Variants in CTNNA2 observed in about 807,000 individuals in gnomAD.
The protein encoded by CTNNA2 is catenin alpha 2, also known as catenin alpha-2.
CTNNA2 carries 42 observed loss-of-function variants against 101.0 expected under a neutral mutation model. The observed-to-expected ratio is 0.42, with a 90% confidence interval of 0.32 to 0.54. The LOEUF (loss-of-function observed/expected upper bound fraction) is 0.54. CTNNA2 is among the 20% of genes least tolerant of loss of function. The pLI, the probability that CTNNA2 is intolerant of heterozygous loss-of-function variation, is 0.14. For synonymous variants in CTNNA2, 450 were observed against 456.4 expected (o/e 0.99, Z 0.18); for missense variants, 871 against 1,223.1 (o/e 0.71, Z 4.29).
intron 18 of CTNNA2, among the ~76,000 whole-genome samples, chr2:80,631,144 A>T (rs1019673398): frequency 8.5e-5 from 13 of 152,202 alleles, no homozygotes; most frequent in African/African-American, 2.4e-4. Flanking sequence ...AGGGACTCTA[A>T]GATAGCAATT....
At chr2:79,247,137 T>A (rs544475219) in intron 2 of CTNNA2, among the ~76,000 whole-genome samples, 1 of 152,290 alleles carries the variant, frequency 6.6e-6, no homozygotes, top group East Asian at 1.9e-4. Context: ...TGGGAGGAAT[T>A]GTAGACAAGG....
chr2:79,320,305 G>A (rs1676590094), intron 3 of CTNNA2, among the ~76,000 whole-genome samples: 1 of 135,034 alleles, frequency 7.4e-6, no homozygotes, highest in Non-Finnish European at 1.5e-5. Flanking sequence ...TGAAGAAAAT[G>A]GCAGTTTCAG....
At chr2:79,447,762 C>T (rs907872467) in intron 4 of CTNNA2, among the ~76,000 whole-genome samples, 9 of 152,050 alleles carry the variant, frequency 5.9e-5, no homozygotes, top group South Asian at 4.1e-4. Flanking sequence ...AAGTGCTTAC[C>T]CAATACTCAG....
chr2:80,102,693 G>C (rs1014578787), intron 7 of CTNNA2, among the ~76,000 whole-genome samples: 1 of 151,992 alleles, frequency 6.6e-6, no homozygotes, highest in African/African-American at 2.4e-5. Context: ...TGTATTTTTA[G>C]TAGAGACGGG....
intron 9 of CTNNA2, among the ~76,000 whole-genome samples, chr2:80,444,437 C>G (rs1000483534): frequency 6.6e-6 from 1 of 152,252 alleles, no homozygotes; most frequent in East Asian, 1.9e-4. Context: ...GGACTGTTTT[C>G]CTTCCTAATA....
intron 7 of CTNNA2, among the ~76,000 whole-genome samples, chr2:80,235,283 A>G (rs979465228): frequency 5.9e-5 from 9 of 152,380 alleles, no homozygotes; most frequent in Non-Finnish European, 1.0e-4. Context: ...TCTAGGAACC[A>G]TAAACCCTGA....
intron 8 of CTNNA2, among the ~76,000 whole-genome samples, chr2:80,403,837 G>A (rs533488069): frequency 1.3e-5 from 2 of 152,218 alleles, no homozygotes; most frequent in South Asian, 2.1e-4. Flanking sequence ...GAATTTTGTC[G>A]AAGATATTTT....
chr2:79,287,715 T>A (rs1558604731), intron 2 of CTNNA2, among the ~76,000 whole-genome samples: 1 of 152,192 alleles, frequency 6.6e-6, no homozygotes, highest in Non-Finnish European at 1.5e-5. Flanking sequence ...GTCTGTGCCC[T>A]GCCCCCAGAG....
intron 4 of CTNNA2, among the ~76,000 whole-genome samples, chr2:79,443,903 A>T (rs1028352558): frequency 7.1e-6 from 1 of 141,804 alleles, no homozygotes; most frequent in East Asian, 2.3e-4. Flanking sequence ...TTGTATACAT[A>T]CTCTCTCTCT....
At chr2:80,337,614 CAA>C (rs1350690085) in intron 7 of CTNNA2, among the ~76,000 whole-genome samples, 1 of 151,882 alleles carries the variant, frequency 6.6e-6, no homozygotes, top group Non-Finnish European at 1.5e-5. Flanking sequence ...TGCACACACA[CAA>C]ATACACACAC....
chr2:79,497,725 C>T (rs1671274161), intron 4 of CTNNA2, among the ~76,000 whole-genome samples: 1 of 152,210 alleles, frequency 6.6e-6, no homozygotes, highest in Non-Finnish European at 1.5e-5. Context: ...TCATCGCTAT[C>T]TCTTGTCTTA....
chr2:79,745,326 G>A (rs1039907878), intron 3 of CTNNA2, among the ~76,000 whole-genome samples: 12 of 151,918 alleles, frequency 7.9e-5, no homozygotes, highest in Admixed American at 3.3e-4. Context: ...AGCCACTCAG[G>A]GGGCTGAGAC....
At chr2:79,615,399 C>G (rs905060366) in intron 1 of CTNNA2, among the ~76,000 whole-genome samples, 2 of 152,096 alleles carry the variant, frequency 1.3e-5, no homozygotes, top group Non-Finnish European at 2.9e-5. Context: ...CCTTTCTACA[C>G]AAACAAATTA....
intron 1 of CTNNA2, among the ~76,000 whole-genome samples, chr2:79,600,865 A>G (rs910673428): frequency 6.6e-6 from 1 of 152,000 alleles, no homozygotes; most frequent in Non-Finnish European, 1.5e-5. Flanking sequence ...GAGCAGAGAG[A>G]TCATCTCTCT....
chr2:80,027,337 G>A (rs1694991909), intron 7 of CTNNA2, among the ~76,000 whole-genome samples: 3 of 152,226 alleles, frequency 2.0e-5, no homozygotes, highest in Admixed American at 2.0e-4. Flanking sequence ...TAATGGAGGT[G>A]TGATATGTAA....
chr2:80,522,825 C>T (rs1339684143), intron 9 of CTNNA2, among the ~76,000 whole-genome samples: 2 of 152,142 alleles, frequency 1.3e-5, no homozygotes, highest in Admixed American at 1.3e-4. Flanking sequence ...CTGATTAAAC[C>T]TCTTTTCTTT....
intron 4 of CTNNA2, among the ~76,000 whole-genome samples, chr2:79,384,183 C>CCATCTTT (rs879913364): frequency 9.9e-5 from 15 of 152,124 alleles, no homozygotes; most frequent in Non-Finnish European, 1.9e-4. Context: ...AATTGCAGAC[C>CCATCTTT]CATCTTTCAT....
chr2:80,431,584 C>T (rs1681511333), intron 9 of CTNNA2, among the ~76,000 whole-genome samples: 1 of 152,174 alleles, frequency 6.6e-6, no homozygotes, highest in Admixed American at 6.5e-5. Flanking sequence ...TCCCAGGTGG[C>T]CTCACACTCA....
At chr2:79,350,896 G>A (rs1195126791) in intron 3 of CTNNA2, among the ~76,000 whole-genome samples, 1 of 152,074 alleles carries the variant, frequency 6.6e-6, no homozygotes, top group South Asian at 2.1e-4. Context: ...TAGCGATGTG[G>A]GGCATGTTTT....
Sources: allele counts gnomAD v4.1 joint callset (sites outside exome capture counted in the v4.1 genomes callset), GRCh38; gene constraint gnomAD v4.1.1; transcripts MANE v1.5; gene names NCBI Gene and HGNC (gene_info 2026-07-23, HGNC 2026-07-21).